Variants in PRIMA1 observed in about 807,000 individuals in gnomAD.
PRIMA1 encodes proline rich membrane anchor 1.
Under a neutral mutation model 17.5 loss-of-function variants are expected in PRIMA1, and 7 were observed. That is an observed-to-expected ratio of 0.40 (90% CI 0.23 to 0.75). The LOEUF (loss-of-function observed/expected upper bound fraction) is 0.75, where lower values mean the gene tolerates loss of function less well. Ranked by LOEUF, PRIMA1 falls within the 30% of genes least tolerant of loss-of-function variation. The pLI is 0.37. For missense variants in PRIMA1, 200 were observed against 201.8 expected (o/e 0.99, Z 0.05); for synonymous variants, 97 against 77.9 (o/e 1.25, Z -1.29).
At chr14:93,747,938 A>AGT (rs34019999) in intron 3 of PRIMA1, among the ~76,000 whole-genome samples, 10 of 144,770 alleles carry the variant, frequency 6.9e-5, no homozygotes, top group African/African-American at 2.7e-4. Context: ...TGATTATGTG[A>AGT]GTGTGTGTGT....
intron 3 of PRIMA1, among the ~76,000 whole-genome samples, chr14:93,748,691 C>T (rs77304768): frequency 0.029 from 4,403 of 152,204 alleles, 221 homozygotes; most frequent in African/African-American, 0.1. Flanking sequence ...GCCACTTGCT[C>T]CCCTGGCTTA....
intron 4 of PRIMA1, among the ~76,000 whole-genome samples, chr14:93,728,825 C>A (rs1258305526): frequency 6.6e-6 from 1 of 152,194 alleles, no homozygotes. Context: ...GCGCCCCACA[C>A]CAAGGATGCC....
chr14:93,784,306 C>T (rs527642109), intron 2 of PRIMA1, among the ~76,000 whole-genome samples: 14 of 152,210 alleles, frequency 9.2e-5, no homozygotes, highest in Non-Finnish European at 1.5e-4. Flanking sequence ...CTCCCTGCAT[C>T]CATCCTTCAT....
intron 3 of PRIMA1, among the ~76,000 whole-genome samples, chr14:93,747,624 AGT>A (rs898857994): frequency 6.9e-5 from 10 of 145,808 alleles, no homozygotes; most frequent in South Asian, 4.4e-4. Flanking sequence ...TGTGTGGGGG[AGT>A]GTGTGAGTGC....
intron 2 of PRIMA1, among the ~76,000 whole-genome samples, chr14:93,786,229 G>T (rs888186581): frequency 6.6e-6 from 1 of 152,244 alleles, no homozygotes; most frequent in Non-Finnish European, 1.5e-5. Flanking sequence ...AAAGTGTTTA[G>T]AAGTGACAAA....
intron 4 of PRIMA1, among the ~76,000 whole-genome samples, chr14:93,727,327 G>C (rs1231938030): frequency 6.6e-6 from 1 of 152,232 alleles, no homozygotes; most frequent in Non-Finnish European, 1.5e-5. Context: ...CTCTCCCCTT[G>C]AGCACTGCTC....
intron 3 of PRIMA1, among the ~76,000 whole-genome samples, chr14:93,751,423 C>T (rs913898765): frequency 6.6e-6 from 1 of 152,214 alleles, no homozygotes; most frequent in Non-Finnish European, 1.5e-5. Context: ...CTGGGGAGCA[C>T]TTCATTTAAA....
intron 3 of PRIMA1, among the ~76,000 whole-genome samples, chr14:93,765,207 C>CA (rs1033960105): frequency 6.6e-5 from 10 of 151,898 alleles, no homozygotes; most frequent in African/African-American, 9.7e-5. Context: ...CAGGCTCTTA[C>CA]AAAATGTAAG....
At position 93,726,592 on chromosome 14, in the gene PRIMA1, C is replaced by A. The variant is rs75071290; in HGVS notation, c.360-5046G>T. ...CACACACTATACACATACACATGTA[C>A]GCAAACACACACATATATAATATAC... On this transcript the variant is annotated intron_variant, in intron 4 of 4. Transcript: ENST00000393140. This position sits in a 1 kb window ranked among gnomAD's most constrained non-coding sequence, Gnocchi z 4.2. Among the ~76,000 whole-genome samples, 1 of 151,974 alleles carries A rather than the reference C, an allele frequency of 6.6e-6. No individual in the cohort carries two copies. Among genetic ancestry groups the A allele is most frequent in the Non-Finnish European group, 1.5e-5 (1 of 68,004 alleles).
chr14:93,784,192 AT>A (rs767810846), intron 2 of PRIMA1, among the ~76,000 whole-genome samples: 72 of 152,362 alleles, frequency 4.7e-4, no homozygotes, highest in Non-Finnish European at 8.8e-4. Context: ...TAGAAAAACA[AT>A]TTGTAGTTCA....
intron 3 of PRIMA1, among the ~76,000 whole-genome samples, chr14:93,775,443 T>C (rs570443684): frequency 6.6e-6 from 1 of 152,348 alleles, no homozygotes; most frequent in African/African-American, 2.4e-5. Context: ...AGACATGAAT[T>C]CCTTCAGGGT....
intron 4 of PRIMA1, among the ~76,000 whole-genome samples, chr14:93,722,717 T>C (rs2076049151): frequency 5.2e-4 from 1 of 1,920 alleles, no homozygotes; most frequent in South Asian, 0.011. Context: ...GTGGTTAGCG[T>C]AATGGTTGTG....
Position 93,719,378 on chromosome 14 carries a change from C to CA in PRIMA1, c.*2065dup, listed in dbSNP as rs1456384235. On this transcript the variant is annotated 3_prime_UTR_variant, in exon 5 of 5. Coordinates refer to ENST00000393140, the MANE Select transcript of PRIMA1 (RefSeq NM_178013.4). ...AGTGTGCGCAAAGCTGGGCTGTGCC[C>CA]AGCCCCTTCAGGCTGCCCACCACTC... is the stretch of plus-strand genomic sequence containing the variant. The CA allele has an allele frequency of 6.6e-6, 1 of 152,286 alleles. No homozygotes were observed. Among genetic ancestry groups the CA allele is most frequent in the Non-Finnish European group, 1.5e-5 (1 of 68,086 alleles). The allele number at this position is 152,286 out of a possible 1,614,324, so 9.4% of individuals were successfully genotyped here.
At position 93,726,574 on chromosome 14, in the gene PRIMA1, T is replaced by C. The variant is rs915580460; in HGVS notation, c.360-5028A>G. On this transcript the variant is annotated intron_variant, in intron 4 of 4. Transcript: ENST00000393140. This position sits in a 1 kb window ranked among gnomAD's most constrained non-coding sequence, Gnocchi z 4.2. ...TGCACAAATCCACATACACACACAC[T>C]ATACACATACACATGTACGCAAACA... 6.6e-6 allele frequency among the ~76,000 whole-genome samples: 1 copy of C among 151,278 alleles called. No homozygotes were observed. The highest frequency in any genetic ancestry group is 2.4e-5 in the African/African-American group (1 of 41,190).
chr14:93,756,185 T>A (rs2076289444), intron 3 of PRIMA1, among the ~76,000 whole-genome samples: 1 of 152,230 alleles, frequency 6.6e-6, no homozygotes. Context: ...ATTCCAGGTG[T>A]GAGCCACCTT....
At chr14:93,757,342 G>A (rs187544658) in intron 3 of PRIMA1, among the ~76,000 whole-genome samples, 195 of 152,354 alleles carry the variant, frequency 1.3e-3, no homozygotes, top group Non-Finnish European at 2.3e-3. Flanking sequence ...CCGCCGATCC[G>A]TTCCCTTCGG....
At chr14:93,762,319 C>T (rs569225298) in intron 3 of PRIMA1, among the ~76,000 whole-genome samples, 16 of 152,174 alleles carry the variant, frequency 1.1e-4, no homozygotes, top group Non-Finnish European at 2.1e-4. Context: ...CATTTACTGG[C>T]GGCCTCATCA....
At chr14:93,734,777 A>G (rs898499167) in intron 4 of PRIMA1, among the ~76,000 whole-genome samples, 2 of 123,212 alleles carry the variant, frequency 1.6e-5, no homozygotes, top group African/African-American at 5.6e-5. Context: ...GAAGCCCACT[A>G]TCTGAAGTCT....
rs182043871 is a variant in PRIMA1, at chr14:93,759,619, G to A, written c.229+19557C>T. Among the ~76,000 whole-genome samples, 413 of 152,206 alleles carry A rather than the reference G, an allele frequency of 2.7e-3. 2 individuals are homozygous for A. Among genetic ancestry groups the A allele is most frequent in the African/African-American group, 9.3e-3 (387 of 41,516 alleles). On this transcript the variant is annotated intron_variant, in intron 3 of 4. Transcript: ENST00000393140. Reference sequence around the variant, plus strand: ...CGGAGAGGGCTAGAGAGGGAGGGGAGGGAAAGGAGAAAGAACACCTATGAT... The same window carrying A: ...CGGAGAGGGCTAGAGAGGGAGGGGAAGGAAAGGAGAAAGAACACCTATGAT...
Sources: gnomAD v4.1 joint callset for allele counts (sites outside exome capture counted in the v4.1 genomes callset) on GRCh38, gnomAD v4.1.1 for gene constraint, Gnocchi (gnomAD v3.1) non-coding constraint, MANE v1.5 for transcripts, NCBI Gene and HGNC (gene_info 2026-07-23, HGNC 2026-07-21) for gene names.